RBMS3: variants seen among roughly 807,000 people sequenced by gnomAD.
RBMS3 encodes the protein RNA-binding motif, single-stranded-interacting protein 3.
In RBMS3, 27 loss-of-function variants were observed where a neutral mutation model predicts 66.8. The ratio of observed to expected loss-of-function variants is 0.40; its 90% CI spans 0.30 to 0.56. The LOEUF (loss-of-function observed/expected upper bound fraction) is 0.56, where lower values mean the gene tolerates loss of function less well. Among genes scored for constraint, RBMS3 ranks in the 20% least tolerant of loss-of-function variants. The pLI is 0.40. For missense variants in RBMS3, 513 were observed against 549.5 expected (o/e 0.93, Z 0.66); for synonymous variants, 188 against 183.0 (o/e 1.03, Z -0.22).
rs1331115128 is a variant in RBMS3 at position 29,281,704 on chromosome 3, C to T, written c.23C>T (p.Pro8Leu). Reference sequence around the variant, plus strand: ...TACATGGGCAAACGCCTGGATCAGCCACAAATGTACCCCCAGTACACTTAC... The same window carrying T: ...TACATGGGCAAACGCCTGGATCAGCTACAAATGTACCCCCAGTACACTTAC... MGKRLDQ[P>L]QMYPQYTYYY... Residue 8 changes from proline to leucine, a missense_variant, in exon 1 of 15, where the codon CCA becomes CTA. By Grantham distance (98) the Pro-to-Leu change is moderately conservative (BLOSUM62 -3). Coordinates refer to ENST00000383767, the MANE Select transcript of RBMS3 (RefSeq NM_001003793.3). The T allele has an allele frequency of 6.2e-7, 1 of 1,613,538 alleles. No homozygotes were observed. The highest frequency in any genetic ancestry group is 1.7e-5 in the Admixed American group (1 of 59,958).
chr3:29,571,003 T>G (rs2149066482), intron 3 of RBMS3, among the ~76,000 whole-genome samples: 1 of 152,310 alleles, frequency 6.6e-6, no homozygotes, highest in South Asian at 2.1e-4. Context: ...ATTGCCTGTC[T>G]TTTGGATAAA....
chr3:29,839,171 GC>G (rs2058604349), intron 6 of RBMS3, among the ~76,000 whole-genome samples: 1 of 152,050 alleles, frequency 6.6e-6, no homozygotes, highest in Admixed American at 6.6e-5. Context: ...ATTTTAACTG[GC>G]CCCTGATGCT....
intron 3 of RBMS3, among the ~76,000 whole-genome samples, chr3:29,507,758 C>T (rs888451371): frequency 6.6e-6 from 1 of 151,992 alleles, no homozygotes; most frequent in Non-Finnish European, 1.5e-5. Context: ...ATAATTGTAT[C>T]CATGATCTGA....
intron 6 of RBMS3, among the ~76,000 whole-genome samples, chr3:29,828,216 A>G: frequency 6.6e-6 from 1 of 152,146 alleles, no homozygotes; most frequent in East Asian, 1.9e-4. Flanking sequence ...CTATATCCCA[A>G]GGAGCCCTGA....
chr3:29,439,013 GA>G (rs1250014954), intron 2 of RBMS3, among the ~76,000 whole-genome samples: 1 of 152,106 alleles, frequency 6.6e-6, no homozygotes, highest in Non-Finnish European at 1.5e-5. Flanking sequence ...AGGATAAATA[GA>G]TTTAACTAAT....
chr3:29,329,379 T>C (rs892133308), intron 1 of RBMS3, among the ~76,000 whole-genome samples: 4 of 152,166 alleles, frequency 2.6e-5, no homozygotes, highest in East Asian at 1.9e-4. Context: ...TAGTAATTTA[T>C]TGTGTTACTC....
intron 14 of RBMS3, among the ~76,000 whole-genome samples, chr3:29,993,745 C>T (rs1699032820): frequency 6.6e-6 from 1 of 152,184 alleles, no homozygotes; most frequent in African/African-American, 2.4e-5. Context: ...AGCTATAGAA[C>T]TAGAATTTAC....
chr3:29,739,990 A>T lies in RBMS3; in HGVS notation c.557+113A>T, dbSNP rs1576664201. On this transcript the variant is annotated intron_variant, in intron 5 of 14. Coordinates refer to ENST00000383767, the MANE Select transcript of RBMS3 (RefSeq NM_001003793.3). ...TAGAATATGCAAAAAAAAAAAAAAA[A>T]TTAAAAGTAGCTTATCAAATCTGTC... 3 of 871,440 alleles carry T rather than the reference A, an allele frequency of 3.4e-6. No homozygotes were observed. The East Asian group carries it at 8.7e-5, about 25-fold the overall frequency. 54.0% of individuals were successfully genotyped at this position (871,440 alleles called of 1,614,324 possible).
chr3:29,936,160 G>C lies in RBMS3; in HGVS notation c.1014G>C (p.Gln338His). 1 of 1,613,256 alleles carries C rather than the reference G, an allele frequency of 6.2e-7. No individual in the cohort carries two copies. The change falls in exon 11 of 15, where the codon CAG becomes CAC. Residue 338 changes from glutamine to histidine, a missense_variant. Gln to His is a conservative substitution (Grantham distance 24). Coordinates refer to ENST00000383767, the MANE Select transcript of RBMS3 (RefSeq NM_001003793.3). Reference protein sequence around the residue: ...QPANMMGPLTQQMNHLSLGTT... With the variant: ...QPANMMGPLTHQMNHLSLGTT... ...CCAACATGATGGGCCCACTGACACA[G>C]CAGATGAATCACCTTTCGTTGGGCA...
intron 4 of RBMS3, among the ~76,000 whole-genome samples, chr3:29,673,969 A>T (rs890384249): frequency 5.3e-5 from 8 of 152,244 alleles, no homozygotes; most frequent in Admixed American, 5.2e-4. Context: ...ATTTTAGATC[A>T]ATATGCCTGA....
rs1223956670 is a variant in RBMS3 at position 30,004,624 on chromosome 3, C to G, written c.*762C>G. The G allele has an allele frequency of 6.6e-6, 1 of 152,084 alleles. No homozygotes were observed. The highest frequency in any genetic ancestry group is 2.4e-5 in the African/African-American group (1 of 41,346). The allele number at this position is 152,084 out of a possible 1,614,324, so 9.4% of individuals were successfully genotyped here. A position where few individuals can be genotyped will look rare whatever the true frequency, so the allele number is the denominator to read the frequency against. ...TGCAAGAATTGGAAAAATGCTGGGA[C>G]TTTTCATGAACTTTGTCTTAAGTGT... On this transcript the variant is annotated 3_prime_UTR_variant, in exon 15 of 15. Transcript: ENST00000383767.
At chr3:29,646,616 T>TG (rs1053824817) in intron 4 of RBMS3, among the ~76,000 whole-genome samples, 1 of 152,164 alleles carries the variant, frequency 6.6e-6, no homozygotes, top group African/African-American at 2.4e-5. Context: ...TTTTATGTTT[T>TG]TTTTTCATAC....
chr3:29,788,136 T>C (rs2056883824), intron 6 of RBMS3, among the ~76,000 whole-genome samples: 1 of 151,628 alleles, frequency 6.6e-6, no homozygotes, highest in Non-Finnish European at 1.5e-5. Context: ...ACTCCAACAG[T>C]GGCAAGTACC....
intron 4 of RBMS3, among the ~76,000 whole-genome samples, chr3:29,636,632 A>T (rs1025698767): frequency 6.6e-6 from 1 of 151,946 alleles, no homozygotes; most frequent in Admixed American, 6.6e-5. Flanking sequence ...GTTGTTGGGT[A>T]GCATGTTAGA....
chr3:29,770,547 G>A (rs2056155824), intron 6 of RBMS3, among the ~76,000 whole-genome samples: 1 of 151,760 alleles, frequency 6.6e-6, no homozygotes, highest in Admixed American at 6.6e-5. Context: ...GGGATGAGGA[G>A]GTTTTCTATA....
intron 1 of RBMS3, among the ~76,000 whole-genome samples, chr3:29,384,548 T>C (rs1312429771): frequency 1.3e-5 from 2 of 152,150 alleles, no homozygotes; most frequent in African/African-American, 2.4e-5. Context: ...GGCCCACAGC[T>C]CCTCTTTTCT....
At chr3:29,550,056 A>G (rs1392482222) in intron 3 of RBMS3, among the ~76,000 whole-genome samples, 5 of 152,210 alleles carry the variant, frequency 3.3e-5, no homozygotes, top group Non-Finnish European at 7.3e-5. Context: ...CCTTGCTCCA[A>G]AGTAAAATGG....
At chr3:29,416,654 C>G (rs965113538) in intron 1 of RBMS3, among the ~76,000 whole-genome samples, 1 of 151,820 alleles carries the variant, frequency 6.6e-6, no homozygotes, top group African/African-American at 2.4e-5. Flanking sequence ...TTATTGCTAG[C>G]TGTTTTGTGG....
intron 6 of RBMS3, among the ~76,000 whole-genome samples, chr3:29,769,350 A>G (rs59576073): frequency 0.02 from 3,037 of 151,984 alleles, 97 homozygotes; most frequent in African/African-American, 0.069. Flanking sequence ...AAATTATCAA[A>G]CAGAAGGTAT....
Sources: allele counts gnomAD v4.1 joint callset (sites outside exome capture counted in the v4.1 genomes callset), GRCh38; gene constraint gnomAD v4.1.1; transcripts MANE v1.5; gene names NCBI Gene and HGNC (gene_info 2026-07-23, HGNC 2026-07-21).